Variants in GPATCH8 observed in about 807,000 individuals in gnomAD.
GPATCH8 encodes G-patch domain containing 8.
In GPATCH8, 18 loss-of-function variants were observed where a neutral mutation model predicts 118.3. That is an observed-to-expected ratio of 0.15 (90% CI 0.11 to 0.23). The LOEUF (loss-of-function observed/expected upper bound fraction) is 0.23, where lower values mean the gene tolerates loss of function less well. GPATCH8 is among the 10% of genes least tolerant of loss of function. The pLI is 1.00. For missense variants in GPATCH8, 1,631 were observed against 1,873.8 expected, an observed-to-expected ratio of 0.87 and a Z score of 2.39; for synonymous variants, 659 against 684.7, an observed-to-expected ratio of 0.96 and a Z score of 0.59.
intron 2 of GPATCH8, among the ~76,000 whole-genome samples, chr17:44,472,678 T>G (rs1482757061): frequency 6.6e-6 from 1 of 151,694 alleles, no homozygotes; most frequent in Non-Finnish European, 1.5e-5. Context: ...ACCCTCCTGG[T>G]TTTTTTTGTT....
chr17:44,438,613 T>C (rs1010805049), intron 3 of GPATCH8: 2 of 152,256 alleles, frequency 1.3e-5, no homozygotes, highest in Admixed American at 6.6e-5. Context: ...AAAGTAAGCC[T>C]AACATATTGG....
At chr17:44,497,319 G>C (rs1598647931) in intron 1 of GPATCH8, among the ~76,000 whole-genome samples, 1 of 152,210 alleles carries the variant, frequency 6.6e-6, no homozygotes, top group Admixed American at 6.5e-5. Flanking sequence ...GCCAGGTACA[G>C]TGGCACATGC....
At chr17:44,479,225 G>A (rs1968020056) in intron 1 of GPATCH8, among the ~76,000 whole-genome samples, 2 of 152,134 alleles carry the variant, frequency 1.3e-5, no homozygotes, top group South Asian at 4.1e-4. Context: ...TTTCCAAAAA[G>A]ATAATGAATC....
Position 44,396,227 on chromosome 17 carries a change from C to A in GPATCH8, c.*1341G>T, listed in dbSNP as rs757352480. 3 of 454,276 alleles carry A rather than the reference C, an allele frequency of 6.6e-6. No individual in the cohort carries two copies. The highest frequency in any genetic ancestry group is 4.7e-5 in the Admixed American group (2 of 42,538). The allele number at this position is 454,276 out of a possible 1,614,324, so 28.1% of individuals were successfully genotyped here. ...CCTGGAACAAGGTACCCAGGGAAAC[C>A]CAGGAATCCCCCCAGACAATCACCA... On this transcript the variant is annotated 3_prime_UTR_variant, in exon 8 of 8. Transcript: ENST00000591680.
chr17:44,442,728 T>G (rs1267942132), intron 3 of GPATCH8, among the ~76,000 whole-genome samples: 2 of 152,296 alleles, frequency 1.3e-5, no homozygotes, highest in Admixed American at 1.3e-4. Context: ...GCCTCCAAAG[T>G]GCTGGGATTA....
At chr17:44,500,512 C>A (rs2144509212) in intron 1 of GPATCH8, among the ~76,000 whole-genome samples, 1 of 152,248 alleles carries the variant, frequency 6.6e-6, no homozygotes, top group African/African-American at 2.4e-5. Context: ...ATACAAAATA[C>A]CTTCGCAACT....
intron 3 of GPATCH8, among the ~76,000 whole-genome samples, chr17:44,461,601 G>A (rs2051551504): frequency 6.6e-6 from 1 of 152,048 alleles, no homozygotes; most frequent in South Asian, 2.1e-4. Context: ...ATATATACTT[G>A]TTACCATGGA....
chr17:44,477,193 T>C (rs1237457869), intron 1 of GPATCH8, among the ~76,000 whole-genome samples: 3 of 152,250 alleles, frequency 2.0e-5, no homozygotes, highest in Non-Finnish European at 1.5e-5. Context: ...CCAAATTGTA[T>C]AGTAAGTATT....
At chr17:44,450,392 C>T (rs1379938067) in intron 3 of GPATCH8, among the ~76,000 whole-genome samples, 3 of 152,180 alleles carry the variant, frequency 2.0e-5, no homozygotes, top group African/African-American at 7.2e-5. Flanking sequence ...TTGCTATTGT[C>T]TCACACTCAC....
intron 3 of GPATCH8, among the ~76,000 whole-genome samples, chr17:44,457,359 C>A (rs2051374311): frequency 6.6e-6 from 1 of 152,134 alleles, no homozygotes; most frequent in Non-Finnish European, 1.5e-5. Flanking sequence ...GAATGTTCAT[C>A]TCTCTCAACA....
At position 44,396,481 on chromosome 17, in the gene GPATCH8, A is replaced by G. The variant is rs1567915416; in HGVS notation, c.*1087T>C. 1 of 454,328 alleles carries G rather than the reference A, an allele frequency of 2.2e-6. No individual in the cohort carries two copies. The highest frequency in any genetic ancestry group is 1.6e-5 in the South Asian group (1 of 64,464). 28.1% of individuals were successfully genotyped at this position (454,328 alleles called of 1,614,324 possible). ...TTTTGTCCCAGCAAAAAATGTTTTA[A>G]CATTTTATAGTTCATAACTTCAAAA... On this transcript the variant is annotated 3_prime_UTR_variant, in exon 8 of 8. Transcript: ENST00000591680.
At chr17:44,494,934 C>T (rs1969548556) in intron 1 of GPATCH8, among the ~76,000 whole-genome samples, 1 of 152,230 alleles carries the variant, frequency 6.6e-6, no homozygotes, top group African/African-American at 2.4e-5. Context: ...GTTTGTTCCA[C>T]TTCTTTACTT....
At chr17:44,422,730 G>A (rs2049955215) in intron 6 of GPATCH8, among the ~76,000 whole-genome samples, 1 of 150,712 alleles carries the variant, frequency 6.6e-6, no homozygotes, top group African/African-American at 2.4e-5. Flanking sequence ...CGCCCGCCTC[G>A]GCCTCCCAAA....
chr17:44,474,877 T>G lies in GPATCH8; in HGVS notation c.72A>C (p.Glu24Asp). The G allele has an allele frequency of 6.4e-7, 1 of 1,569,076 alleles. No individual in the cohort carries two copies. Among genetic ancestry groups the G allele is most frequent in the Non-Finnish European group, 8.8e-7 (1 of 1,139,190 alleles). Reference protein sequence around the residue: ...FQGNHFDQYEEGHLEIEQASL... With the variant: ...FQGNHFDQYEDGHLEIEQASL... ...ACGCTTGTTCAATTTCCAAGTGTCC[T>G]TCCTCATACTGATCAAAGTGATTAC... is the stretch of plus-strand genomic sequence containing the variant. The change falls in exon 2 of 8, where the codon GAA becomes GAC. Residue 24 changes from glutamate to aspartate, a missense_variant. Coordinates refer to ENST00000591680, the MANE Select transcript of GPATCH8 (RefSeq NM_001002909.4).
chr17:44,503,238 GAAGGA>G, intron 1 of GPATCH8, 83 bp downstream of exon 1: 1 of 1,235,076 alleles, frequency 8.1e-7, no homozygotes, highest in Non-Finnish European at 1.2e-6. Flanking sequence ...AGCAAAACTG[GAAGGA>G]AAGAGGGCTG....
rs372057729 is a variant in GPATCH8 at position 44,396,981 on chromosome 17, T to TGGGGGGGG, written c.*586_*587insCCCCCCCC. On this transcript the variant is annotated 3_prime_UTR_variant, in exon 8 of 8. Coordinates refer to ENST00000591680, the MANE Select transcript of GPATCH8 (RefSeq NM_001002909.4). ...TGTGTGGCTCCGTTGATGTGGGAAC[T>TGGGGGGGG]GGATGGAATTGCAGCCTGAGTTATA... is the stretch of plus-strand genomic sequence containing the variant. 1,851 of 454,056 alleles carry TGGGGGGGG rather than the reference T, an allele frequency of 4.1e-3. 23 individuals carry two copies. The highest frequency in any genetic ancestry group is 0.033 in the African/African-American group (1,672 of 50,074). 28.1% of individuals were successfully genotyped at this position (454,056 alleles called of 1,614,324 possible).
chr17:44,432,907 T>C (rs1000991918), intron 5 of GPATCH8, among the ~76,000 whole-genome samples: 2 of 152,172 alleles, frequency 1.3e-5, no homozygotes, highest in African/African-American at 2.4e-5. Flanking sequence ...GGTGTGATCA[T>C]AGGTCACTGC....
intron 3 of GPATCH8, among the ~76,000 whole-genome samples, chr17:44,445,052 T>G (rs527389210): frequency 6.6e-6 from 1 of 152,296 alleles, no homozygotes; most frequent in East Asian, 1.9e-4. Context: ...TAGAAAGGTC[T>G]CCATATATCA....
intron 1 of GPATCH8, among the ~76,000 whole-genome samples, chr17:44,495,121 G>A (rs1175851245): frequency 6.6e-6 from 1 of 152,092 alleles, no homozygotes; most frequent in African/African-American, 2.4e-5. Flanking sequence ...GATCACTGGA[G>A]GTGGGAGTTC....
Sources: allele counts gnomAD v4.1 joint callset (sites outside exome capture counted in the v4.1 genomes callset), GRCh38; gene constraint gnomAD v4.1.1; transcripts MANE v1.5; gene names NCBI Gene and HGNC (gene_info 2026-07-23, HGNC 2026-07-21).